The following NRG1 variants were observed in gnomAD, a reference collection of about 807,000 sequenced individuals.
NRG1 encodes the protein pro-neuregulin-1, membrane-bound isoform.
In NRG1, 18 loss-of-function variants were observed where a neutral mutation model predicts 63.8. The ratio of observed to expected loss-of-function variants is 0.28; its 90% CI spans 0.19 to 0.42. The LOEUF (loss-of-function observed/expected upper bound fraction) is 0.42, where lower values mean the gene tolerates loss of function less well. NRG1 is among the 10% of genes least tolerant of loss of function. The pLI, the probability that NRG1 is intolerant of heterozygous loss-of-function variation, is 1.00. For synonymous variants in NRG1, 302 were observed against 301.3 expected (o/e 1.00, Z -0.02); for missense variants, 762 against 814.7 (o/e 0.94, Z 0.79).
At chr8:32,214,865 A>G (rs990657979) in intron 1 of NRG1, among the ~76,000 whole-genome samples, 12 of 152,220 alleles carry the variant, frequency 7.9e-5, no homozygotes, top group African/African-American at 2.9e-4. Context: ...CTAAAATGTT[A>G]CACATAAAAG....
intron 1 of NRG1, among the ~76,000 whole-genome samples, chr8:32,044,083 GGT>G (rs781338804): frequency 1.3e-5 from 2 of 151,648 alleles, no homozygotes; most frequent in Non-Finnish European, 3.0e-5. Flanking sequence ...TAATGACAAA[GGT>G]ATGCCCAAAG....
At chr8:32,588,250 T>C (rs1171523927) in intron 1 of NRG1, among the ~76,000 whole-genome samples, 1 of 152,130 alleles carries the variant, frequency 6.6e-6, no homozygotes, top group East Asian at 1.9e-4. Context: ...GTGCAGTCAG[T>C]TGAGTATGGT....
intron 1 of NRG1, among the ~76,000 whole-genome samples, chr8:32,335,544 G>C (rs1002272722): frequency 6.6e-6 from 1 of 152,142 alleles, no homozygotes; most frequent in South Asian, 2.1e-4. Context: ...GGGCCTGAAG[G>C]CCACAAAGAA....
intron 1 of NRG1, among the ~76,000 whole-genome samples, chr8:31,890,098 A>C (rs1175439893): frequency 2.6e-5 from 4 of 152,152 alleles, no homozygotes; most frequent in Admixed American, 2.6e-4. Flanking sequence ...TCTCTATCCA[A>C]TTGATGTCAG....
intron 1 of NRG1, among the ~76,000 whole-genome samples, chr8:31,964,031 G>T (rs1250445181): frequency 6.6e-6 from 1 of 152,084 alleles, no homozygotes. Flanking sequence ...TGGCTGGGAT[G>T]CTACCTTATA....
chr8:32,490,475 CTGTTCT>C lies in NRG1; in HGVS notation c.38-105350_38-105345del, dbSNP rs1053883716. ...TACTGGGGCATAATGATATGCAGGACTGTTCTTGAGCCAGGCTTTGTATTCATGAAG... is the reference window on the plus strand; with the variant it reads ...TACTGGGGCATAATGATATGCAGGACTGAGCCAGGCTTTGTATTCATGAAG... On this transcript the variant is annotated intron_variant, in intron 1 of 10. Transcript: ENST00000519301. Among the ~76,000 whole-genome samples, 37 of 106,390 alleles carry C rather than the reference CTGTTCT, an allele frequency of 3.5e-4. 1 individual carries two copies. The highest frequency in any genetic ancestry group is 1.2e-3 in the African/African-American group (33 of 28,016). The allele number at this position is 106,390 out of a possible 152,430, so 69.8% of individuals were successfully genotyped here. A position where few individuals can be genotyped will look rare whatever the true frequency, so the allele number is the denominator to read the frequency against.
chr8:32,244,100 A>G (rs954257319), intron 1 of NRG1, among the ~76,000 whole-genome samples: 5 of 152,196 alleles, frequency 3.3e-5, no homozygotes, highest in Non-Finnish European at 7.4e-5. Context: ...GGTAGTGCTC[A>G]GCAATCAAAT....
intron 1 of NRG1, among the ~76,000 whole-genome samples, chr8:32,023,280 GA>G (rs765709352): frequency 1.3e-5 from 2 of 152,160 alleles, no homozygotes; most frequent in Non-Finnish European, 2.9e-5. Context: ...GCCAAGAGTA[GA>G]AGGATGTTAT....
chr8:31,914,170 A>G (rs1296742457), intron 1 of NRG1, among the ~76,000 whole-genome samples: 1 of 152,102 alleles, frequency 6.6e-6, no homozygotes, highest in African/African-American at 2.4e-5. Context: ...CCATTCAGAT[A>G]TTTCTAGATT....
intron 1 of NRG1, among the ~76,000 whole-genome samples, chr8:32,043,411 A>G (rs893748748): frequency 2.6e-5 from 4 of 152,030 alleles, no homozygotes; most frequent in African/African-American, 9.7e-5. Context: ...ACAAAACAAA[A>G]CAAAACAAAA....
intron 1 of NRG1, among the ~76,000 whole-genome samples, chr8:32,503,763 C>T (rs952510678): frequency 4.6e-5 from 7 of 152,096 alleles, no homozygotes; most frequent in Non-Finnish European, 7.3e-5. Flanking sequence ...GACGGACATA[C>T]GCAGAGTGAG....
chr8:32,438,495 T>C (rs13256928), intron 1 of NRG1, among the ~76,000 whole-genome samples: 8,022 of 152,298 alleles, frequency 0.053, 283 homozygotes, highest in Middle Eastern at 0.088. Flanking sequence ...TAAATACTCA[T>C]ACACAGATTT....
chr8:32,760,496 C>T, intron 11 of NRG1, 90 bp downstream of exon 11: 1 of 1,579,962 alleles, frequency 6.3e-7, no homozygotes, highest in Non-Finnish European at 8.6e-7. Flanking sequence ...GAAATCTACT[C>T]TAATCAGAAT....
At chr8:31,742,105 A>T (rs1815336416) in intron 1 of NRG1, among the ~76,000 whole-genome samples, 1 of 152,066 alleles carries the variant, frequency 6.6e-6, no homozygotes, top group South Asian at 2.1e-4. Flanking sequence ...AGAAAAGACC[A>T]TAGAAATTAT....
intron 1 of NRG1, among the ~76,000 whole-genome samples, chr8:31,677,302 A>T (rs1024246478): frequency 6.6e-6 from 1 of 151,420 alleles, no homozygotes; most frequent in Non-Finnish European, 1.5e-5. Context: ...GTCTCAATTT[A>T]TCTACCACTT....
chr8:32,696,259 T>G (rs1323602158), intron 5 of NRG1, among the ~76,000 whole-genome samples: 1 of 152,242 alleles, frequency 6.6e-6, no homozygotes, highest in Non-Finnish European at 1.5e-5. Context: ...TTGGATAATG[T>G]TATGATCCTT....
chr8:32,575,137 C>T (rs1157778677), intron 1 of NRG1, among the ~76,000 whole-genome samples: 1 of 152,172 alleles, frequency 6.6e-6, no homozygotes, highest in East Asian at 1.9e-4. Flanking sequence ...GATTTTTCCC[C>T]AGGTTTCACA....
chr8:31,915,781 A>G (rs1356719749), intron 1 of NRG1, among the ~76,000 whole-genome samples: 2 of 152,142 alleles, frequency 1.3e-5, no homozygotes, highest in Non-Finnish European at 2.9e-5. Context: ...TGGAGATGAC[A>G]TAGTTTGCCA....
chr8:31,846,994 C>A (rs1324453671), intron 1 of NRG1, among the ~76,000 whole-genome samples: 2 of 152,112 alleles, frequency 1.3e-5, no homozygotes, highest in Non-Finnish European at 2.9e-5. Flanking sequence ...TGAATGAACT[C>A]ATTATATTTT....
Sources: gnomAD v4.1 joint callset for allele counts (sites outside exome capture counted in the v4.1 genomes callset) on GRCh38, gnomAD v4.1.1 for gene constraint, MANE v1.5 for transcripts, NCBI Gene and HGNC (gene_info 2026-07-23, HGNC 2026-07-21) for gene names.